CFAP61: variants seen among roughly 807,000 people sequenced by gnomAD.
CFAP61 encodes the protein cilia and flagella associated protein 61, also known as cilia- and flagella-associated protein 61.
A neutral mutation model predicts 135.6 loss-of-function variants in CFAP61; 107 were observed. The observed-to-expected ratio is 0.79, with a 90% CI of 0.67 to 0.93. The LOEUF (loss-of-function observed/expected upper bound fraction) is 0.93. Among genes scored for constraint, CFAP61 ranks in the 40% least tolerant of loss-of-function variants. The pLI is 0.00. For synonymous variants in CFAP61, 575 were observed against 578.5 expected, an observed-to-expected ratio of 0.99 and a Z score of 0.09; for missense variants, 1,507 against 1,556.2, an observed-to-expected ratio of 0.97 and a Z score of 0.53.
intron 20 of CFAP61, among the ~76,000 whole-genome samples, chr20:20,257,023 G>GA (rs1285237281): frequency 6.6e-6 from 1 of 151,890 alleles, no homozygotes; most frequent in Admixed American, 6.6e-5. Context: ...AGAATGGCAG[G>GA]AAAAAATTGA....
At chr20:20,124,177 T>C (rs1371238692) in intron 8 of CFAP61, among the ~76,000 whole-genome samples, 1 of 151,572 alleles carries the variant, frequency 6.6e-6, no homozygotes, top group East Asian at 1.9e-4. Flanking sequence ...AATCATCTCA[T>C]TGGTAAACAG....
intron 20 of CFAP61, among the ~76,000 whole-genome samples, chr20:20,259,391 C>CTG (rs748679374): frequency 1.3e-5 from 2 of 149,698 alleles, no homozygotes; most frequent in East Asian, 4.0e-4. Context: ...GTAGCTGGGA[C>CTG]TATACAGGTA....
intron 11 of CFAP61, among the ~76,000 whole-genome samples, chr20:20,164,587 C>G (rs973866360): frequency 1.3e-5 from 2 of 152,250 alleles, no homozygotes; most frequent in South Asian, 4.1e-4. Flanking sequence ...AACAGGAAAT[C>G]CAACCAAACT....
intron 1 of CFAP61, among the ~76,000 whole-genome samples, chr20:20,054,532 A>T (rs1191989736): frequency 6.6e-6 from 1 of 152,196 alleles, no homozygotes; most frequent in Non-Finnish European, 1.5e-5. Flanking sequence ...ACATAAGTCA[A>T]CTTTCAGTGT....
intron 16 of CFAP61, among the ~76,000 whole-genome samples, chr20:20,197,444 GAAGTT>G (rs1220426493): frequency 6.6e-6 from 1 of 152,066 alleles, no homozygotes; most frequent in African/African-American, 2.4e-5. Flanking sequence ...ACCACCAACT[GAAGTT>G]ATCTATTTTA....
At position 20,332,818 on chromosome 20, in the gene CFAP61, C is replaced by T. The variant is rs537784311; in HGVS notation, c.3423-9013C>T. Among the ~76,000 whole-genome samples, 15 of 152,168 alleles carry T rather than the reference C, an allele frequency of 9.9e-5. 1 individual carries two copies. The Middle Eastern group carries it at 0.014, about 138-fold the overall frequency. ...TAATTTTTGTAGAGACAAGCGTCTC[C>T]CTATGTTGCCCAGACTGGTCTCAAG... On this transcript the variant is annotated intron_variant, in intron 25 of 26. Transcript: ENST00000245957.
rs1236495657 is a variant in CFAP61, at chr20:20,142,856, G to A, written c.860-1G>A. 1 of 1,582,266 alleles carries A rather than the reference G, an allele frequency of 6.3e-7. No individual in the cohort carries two copies. The highest frequency in any genetic ancestry group is 8.7e-7 in the Non-Finnish European group (1 of 1,155,724). ...TCATTATTCTATCCCTTCTCTCAAA[G>A]ATGCTGAGCTCAGGAGTAGCAGCCA... On this transcript the variant is annotated splice_acceptor_variant, in intron 8 of 26. Transcript: ENST00000245957. LOFTEE classifies it high-confidence loss of function.
At chr20:20,090,807 T>G in intron 6 of CFAP61, 37 bp from the exon 7 acceptor site, 1 of 1,606,838 alleles carries the variant, frequency 6.2e-7, no homozygotes, top group South Asian at 1.1e-5. Context: ...AAAAAATGAG[T>G]GAACGAACAC....
intron 25 of CFAP61, among the ~76,000 whole-genome samples, chr20:20,319,724 C>T (rs1015813874): frequency 2.0e-5 from 3 of 152,184 alleles, no homozygotes; most frequent in Non-Finnish European, 4.4e-5. Context: ...CAAGAATGGA[C>T]TAATACAATT....
chr20:20,284,724 T>A (rs147375759), intron 22 of CFAP61, among the ~76,000 whole-genome samples: 6 of 152,390 alleles, frequency 3.9e-5, no homozygotes, highest in African/African-American at 1.4e-4. Context: ...GCTATGCAGT[T>A]CCTTCTCCCC....
chr20:20,091,219 G>C (rs997507761), intron 7 of CFAP61, among the ~76,000 whole-genome samples: 2 of 152,166 alleles, frequency 1.3e-5, no homozygotes, highest in Non-Finnish European at 2.9e-5. Context: ...CTTGTCCCTA[G>C]AGTGAGAGGG....
chr20:20,071,918 A>G (rs1457844841), intron 3 of CFAP61, among the ~76,000 whole-genome samples: 2 of 152,122 alleles, frequency 1.3e-5, no homozygotes, highest in Non-Finnish European at 2.9e-5. Context: ...TTTCAGTCCA[A>G]TGCTTGCACC....
At chr20:20,200,045 C>T (rs1266630206) in intron 17 of CFAP61, 143 bp downstream of exon 17, 16 of 967,980 alleles carry the variant, frequency 1.7e-5, no homozygotes, top group African/African-American at 8.2e-5. Flanking sequence ...GGCGGAGCCC[C>T]GCGAAGGCTC....
Position 20,298,324 on chromosome 20 carries a change from C to G in CFAP61, c.3360C>G (p.His1120Gln), listed in dbSNP as rs115094118. 86 of 1,614,018 alleles carry G rather than the reference C, an allele frequency of 5.3e-5. No individual in the cohort carries two copies. Among genetic ancestry groups the G allele is most frequent in the Non-Finnish European group, 6.7e-5 (79 of 1,180,024 alleles). Residue 1120 changes from histidine to glutamine, a missense_variant, in exon 25 of 27, where the codon CAC becomes CAG. Physicochemically the swap from His to Gln is conservative, Grantham distance 24. Transcript: ENST00000245957. ...ACTACATCCGCTTGTTTGGCCAGCA[C>G]GAGCAACTCCTCAACAACCTGTGTG... ...ASNYIRLFGQ[H>Q]EQLLNNLCAR...
intron 25 of CFAP61, among the ~76,000 whole-genome samples, chr20:20,308,329 G>A (rs2056600599): frequency 6.6e-6 from 1 of 152,162 alleles, no homozygotes. Context: ...CGTGCTCAGT[G>A]AAGGCCCAGT....
chr20:20,314,176 G>A (rs1486575891), intron 25 of CFAP61, among the ~76,000 whole-genome samples: 2 of 138,998 alleles, frequency 1.4e-5, no homozygotes, highest in Non-Finnish European at 1.5e-5. Context: ...TTGAGCCCAG[G>A]CATTCAAGAG....
At chr20:20,325,134 T>C (rs190993076) in intron 25 of CFAP61, among the ~76,000 whole-genome samples, 1 of 152,242 alleles carries the variant, frequency 6.6e-6, no homozygotes, top group Admixed American at 6.5e-5. Flanking sequence ...AGCTCCCACA[T>C]ACCCTCCTCC....
chr20:20,207,224 G>T (rs773786773), intron 17 of CFAP61, among the ~76,000 whole-genome samples: 9 of 152,166 alleles, frequency 5.9e-5, no homozygotes, highest in Non-Finnish European at 8.8e-5. Context: ...GAAAATGGGG[G>T]ACTTTCTGTT....
chr20:20,159,809 A>G (rs2146798512), intron 10 of CFAP61, among the ~76,000 whole-genome samples: 1 of 152,356 alleles, frequency 6.6e-6, no homozygotes, highest in South Asian at 2.1e-4. Flanking sequence ...ATGCACATAC[A>G]TACACTTCTG....
Sources: allele counts gnomAD v4.1 joint callset (sites outside exome capture counted in the v4.1 genomes callset), GRCh38; gene constraint gnomAD v4.1.1; transcripts MANE v1.5; gene names NCBI Gene and HGNC (gene_info 2026-07-23, HGNC 2026-07-21).